The following MAOA variants were observed in gnomAD, a reference collection of about 807,000 sequenced individuals.
The protein encoded by MAOA is amine oxidase [flavin-containing] A.
Under a neutral mutation model 42.0 loss-of-function variants are expected in MAOA, and 6 were observed. The ratio of observed to expected loss-of-function variants is 0.14; its 90% CI spans 0.08 to 0.28. The LOEUF is 0.28. MAOA is among the 10% of genes least tolerant of loss of function. The pLI, the probability that MAOA is intolerant of heterozygous loss-of-function variation, is 1.00. For synonymous variants in MAOA, 140 were observed against 154.0 expected (o/e 0.91, Z 0.67); for missense variants, 262 against 422.3 (o/e 0.62, Z 3.33).
At chrX:43,671,758 T>A (rs1199040134) in intron 1 of MAOA, among the ~76,000 whole-genome samples, 4 of 101,785 alleles carry the variant, frequency 3.9e-5, no homozygotes, top group African/African-American at 1.4e-4. Flanking sequence ...GTTGTAGATA[T>A]GCGGCATTAT....
At chrX:43,742,924 G>A (rs2033971010) in intron 12 of MAOA, among the ~76,000 whole-genome samples, 1 of 110,378 alleles carries the variant, frequency 9.1e-6, no homozygotes, top group Admixed American at 9.6e-5. Context: ...TCTTAATTGA[G>A]TCAGATCGCC....
chrX:43,687,936 C>T (rs2033500441), intron 2 of MAOA, among the ~76,000 whole-genome samples: 1 of 112,884 alleles, frequency 8.9e-6, no homozygotes, highest in Non-Finnish European at 1.9e-5. Context: ...ATCTCTAGGC[C>T]AGATTACTAG....
chrX:43,732,821 T>C (rs2033893052), intron 9 of MAOA, 26 bp downstream of exon 9: 1 of 1,055,859 alleles, frequency 9.5e-7, no homozygotes, highest in Non-Finnish European at 1.3e-6. Flanking sequence ...GTGTTCTGCA[T>C]TTTCCAAATT....
chrX:43,663,187 G>T (rs368058144), intron 1 of MAOA, among the ~76,000 whole-genome samples: 1 of 110,761 alleles, frequency 9.0e-6, no homozygotes, highest in African/African-American at 3.3e-5. Context: ...GCTTTATTCT[G>T]GGAAGAGTTT....
In MAOA at chrX:43,744,393, C is replaced by T. The variant is rs1366441191; in HGVS notation, c.1464C>T (p.His488=). 4 of 1,211,065 alleles carry T rather than the reference C, an allele frequency of 3.3e-6. No individual in the cohort carries two copies. The highest frequency in any genetic ancestry group is 4.5e-6 in the Non-Finnish European group (4 of 895,088). ...SKDVPAVEIT[H]TFWERNLPSV... ...ACGTTCCAGCGGTAGAAATCACCCA[C>T]ACCTTCTGGGAAAGGAACCTGCCCT... is the stretch of plus-strand genomic sequence containing the variant. The change falls in exon 15 of 15, where the codon CAC becomes CAT. Residue 488 remains histidine (H), a synonymous_variant. Transcript: ENST00000338702.
At chrX:43,710,434 G>A (rs767557159) in intron 3 of MAOA, among the ~76,000 whole-genome samples, 19 of 112,506 alleles carry the variant, frequency 1.7e-4, no homozygotes, top group Non-Finnish European at 3.4e-4. Flanking sequence ...GTGCTTACAC[G>A]TGTTTGTGAT....
Position 43,746,361 on chromosome X carries a change from G to A in MAOA, c.*1848G>A, listed in dbSNP as rs755681961. Reference sequence around the variant, plus strand: ...GGATTGGGTATCAAAATGAATGCCAGTCCAGATGTGCCTAGACACGAAATT... The same window carrying A: ...GGATTGGGTATCAAAATGAATGCCAATCCAGATGTGCCTAGACACGAAATT... On this transcript the variant is annotated 3_prime_UTR_variant, in exon 15 of 15. Transcript: ENST00000338702. The A allele has an allele frequency of 3.0e-4, 34 of 112,149 alleles. No individual in the cohort carries two copies. Among genetic ancestry groups the A allele is most frequent in the Non-Finnish European group, 5.8e-4 (31 of 53,270 alleles). The allele number at this position is 112,149 out of a possible 1,213,427, so 9.2% of individuals were successfully genotyped here.
chrX:43,663,098 T>G (rs1000763950), intron 1 of MAOA, among the ~76,000 whole-genome samples: 2 of 111,901 alleles, frequency 1.8e-5, no homozygotes, highest in African/African-American at 6.5e-5. Context: ...GTATGGATTT[T>G]TAGTAATTAG....
rs2033999407 is a variant in MAOA, at chrX:43,746,422, A to G, written c.*1909A>G. Reference sequence around the variant, plus strand: ...ACTCTCACGATATGCAAGTTCATCCAACGTGAAGATACCATAAGCTTTTTC... The same window carrying G: ...ACTCTCACGATATGCAAGTTCATCCGACGTGAAGATACCATAAGCTTTTTC... On this transcript the variant is annotated 3_prime_UTR_variant, in exon 15 of 15. Coordinates refer to ENST00000338702, the MANE Select transcript of MAOA (RefSeq NM_000240.4). The G allele has an allele frequency of 1.8e-5, 2 of 112,075 alleles. No individual in the cohort carries two copies. The highest frequency in any genetic ancestry group is 9.5e-5 in the Admixed American group (1 of 10,572). The allele number at this position is 112,075 out of a possible 1,213,427, so 9.2% of individuals were successfully genotyped here.
At chrX:43,657,084 C>CTGTGTGTGTG (rs10560402) in intron 1 of MAOA, among the ~76,000 whole-genome samples, 1 of 71,244 alleles carries the variant, frequency 1.4e-5, no homozygotes, top group African/African-American at 5.7e-5. Flanking sequence ...TAAACTATTC[C>CTGTGTGTGTG]TGTGTGTGTG....
At chrX:43,716,328 G>A (rs139955263) in intron 5 of MAOA, among the ~76,000 whole-genome samples, 331 of 111,086 alleles carry the variant, frequency 3.0e-3, no homozygotes, top group Non-Finnish European at 5.3e-3. Flanking sequence ...TGGTATGGGG[G>A]AGATGGTATC....
intron 1 of MAOA, among the ~76,000 whole-genome samples, chrX:43,663,073 G>T (rs1474704610): frequency 1.8e-5 from 2 of 111,881 alleles, no homozygotes; most frequent in African/African-American, 6.5e-5. Context: ...TAAGTTATAT[G>T]TGATATATCT....
At chrX:43,700,069 T>A (rs1194603321) in intron 3 of MAOA, among the ~76,000 whole-genome samples, 1 of 112,212 alleles carries the variant, frequency 8.9e-6, no homozygotes, top group Non-Finnish European at 1.9e-5. Flanking sequence ...TGTTGCTTGT[T>A]GTATATTTGC....
At chrX:43,680,224 T>C (rs1311569109) in intron 1 of MAOA, among the ~76,000 whole-genome samples, 1 of 111,647 alleles carries the variant, frequency 9.0e-6, no homozygotes, top group Non-Finnish European at 1.9e-5. Flanking sequence ...AAACTCATCC[T>C]TGATTTGGCT....
intron 8 of MAOA, 95 bp from the exon 9 acceptor site, chrX:43,732,604 T>C: frequency 3.2e-6 from 2 of 624,842 alleles, no homozygotes; most frequent in Non-Finnish European, 5.4e-6. Context: ...AAGTTTTTAC[T>C]TCCTCTTAAA....
At chrX:43,686,715 C>T (rs1462627661) in intron 2 of MAOA, among the ~76,000 whole-genome samples, 2 of 111,399 alleles carry the variant, frequency 1.8e-5, no homozygotes, top group East Asian at 2.8e-4. Flanking sequence ...AGGAGAATCA[C>T]TTGAGCCTGA....
chrX:43,709,776 T>C (rs1285250986), intron 3 of MAOA, among the ~76,000 whole-genome samples: 3 of 111,754 alleles, frequency 2.7e-5, no homozygotes, highest in Non-Finnish European at 3.8e-5. Flanking sequence ...TCTTTGCCCA[T>C]TTCTCTCAGA....
intron 3 of MAOA, among the ~76,000 whole-genome samples, chrX:43,709,033 G>A (rs747675517): frequency 1.8e-5 from 2 of 110,330 alleles, no homozygotes; most frequent in Admixed American, 9.7e-5. Flanking sequence ...GCTAATTTTC[G>A]TATTTTTTTA....
At chrX:43,679,612 G>A (rs2033427159) in intron 1 of MAOA, among the ~76,000 whole-genome samples, 1 of 110,839 alleles carries the variant, frequency 9.0e-6, no homozygotes, top group Non-Finnish European at 1.9e-5. Flanking sequence ...GTTCCCCACC[G>A]CTCCATCCCC....
Sources: gnomAD v4.1 joint callset for allele counts (sites outside exome capture counted in the v4.1 genomes callset) on GRCh38, gnomAD v4.1.1 for gene constraint, MANE v1.5 for transcripts, NCBI Gene and HGNC (gene_info 2026-07-23, HGNC 2026-07-21) for gene names.